Variants in DPPA2 observed in about 807,000 individuals in gnomAD.
DPPA2 encodes developmental pluripotency-associated protein 2.
DPPA2 carries 26 observed loss-of-function variants against 36.2 expected under a neutral mutation model. The ratio of observed to expected loss-of-function variants is 0.72; its 90% CI spans 0.53 to 1.00. The LOEUF is 1.00. Ranked by LOEUF, DPPA2 falls within the 50% of genes least tolerant of loss-of-function variation. DPPA2 has a pLI of 0.00. For synonymous variants in DPPA2, 113 were observed against 123.2 expected (o/e 0.92, Z 0.55); for missense variants, 361 against 365.1 (o/e 0.99, Z 0.09).
chr3:109,305,311 T>C (rs1159613754), intron 6 of DPPA2, among the ~76,000 whole-genome samples: 1 of 152,206 alleles, frequency 6.6e-6, no homozygotes, highest in Admixed American at 6.5e-5. Flanking sequence ...TTGCTTTTCT[T>C]ATTATTTCTT....
In DPPA2 at chr3:109,304,689, T is replaced by C; in HGVS notation, c.659-19A>G. On this transcript the variant is annotated intron_variant, in intron 6 of 8. Transcript: ENST00000478945. Reference sequence around the variant, plus strand: ...CTGACGCCTGGAAAGGAAAAACAAATATAGACAGCAAAAATCAAGATAGCA... The same window carrying C: ...CTGACGCCTGGAAAGGAAAAACAAACATAGACAGCAAAAATCAAGATAGCA... The C allele has an allele frequency of 6.4e-7, 1 of 1,563,366 alleles. No individual in the cohort carries two copies.
chr3:109,312,399 G>C, intron 3 of DPPA2, 146 bp downstream of exon 3: 1 of 1,016,954 alleles, frequency 9.8e-7, no homozygotes, highest in Non-Finnish European at 1.4e-6. Context: ...AAGTATGAGA[G>C]TTTGCAAAAT....
intron 7 of DPPA2, among the ~76,000 whole-genome samples, chr3:109,303,559 G>A (rs796087385): frequency 2.6e-5 from 4 of 151,762 alleles, no homozygotes; most frequent in African/African-American, 7.2e-5. Context: ...AGTAGAGACG[G>A]GGTTTCTCCA....
Position 109,309,180 on chromosome 3 carries a change from G to A in DPPA2, c.332C>T (p.Thr111Ile). ...CCCAAGTGTACTAACCTTGCCATTAGTACTCAAACCGAGTTGTTGACACCA... is the reference window on the plus strand; with the variant it reads ...CCCAAGTGTACTAACCTTGCCATTAATACTCAAACCGAGTTGTTGACACCA... ...RDWCQQLGLSTNGKKIEVYLR... is the reference protein window; with the variant it reads ...RDWCQQLGLSINGKKIEVYLR... Residue 111 changes from threonine to isoleucine, a missense_variant, in exon 4 of 9, where the codon ACT (threonine) becomes ATT (isoleucine). Coordinates refer to ENST00000478945, the MANE Select transcript of DPPA2 (RefSeq NM_138815.4). 3 of 1,614,112 alleles carry A rather than the reference G, an allele frequency of 1.9e-6. No individual in the cohort carries two copies. Among genetic ancestry groups the A allele is most frequent in the South Asian group, 1.1e-5 (1 of 91,080 alleles).
chr3:109,309,399 G>C, intron 3 of DPPA2, 69 bp from the exon 4 acceptor site: 1 of 1,583,872 alleles, frequency 6.3e-7, no homozygotes, highest in Non-Finnish European at 8.6e-7. Flanking sequence ...ATTTTACAAA[G>C]ATCTAGGGTC....
At chr3:109,311,431 T>C (rs1294009285) in intron 3 of DPPA2, among the ~76,000 whole-genome samples, 2 of 152,134 alleles carry the variant, frequency 1.3e-5, no homozygotes, top group African/African-American at 2.4e-5. Context: ...GCCTAGAAGA[T>C]AAAATCCTTC....
chr3:109,314,372 A>G (rs994153775), intron 2 of DPPA2, 138 bp downstream of exon 2: 1 of 847,160 alleles, frequency 1.2e-6, no homozygotes, highest in African/African-American at 1.7e-5. Flanking sequence ...ATCTATTTGC[A>G]AAGAAGAGGA....
chr3:109,301,523 ATG>A (rs1707456735), intron 7 of DPPA2, among the ~76,000 whole-genome samples: 2 of 151,882 alleles, frequency 1.3e-5, no homozygotes, highest in Non-Finnish European at 2.9e-5. Context: ...GTGGTGGTGC[ATG>A]CCTGTAATCC....
chr3:109,305,618 T>C (rs1282587304), intron 6 of DPPA2, among the ~76,000 whole-genome samples: 2 of 151,974 alleles, frequency 1.3e-5, no homozygotes, highest in African/African-American at 4.8e-5. Context: ...CTACTAAAAA[T>C]ACAAAATTAG....
chr3:109,300,483 A>T, intron 7 of DPPA2, 48 bp from the exon 8 acceptor site: 2 of 1,564,506 alleles, frequency 1.3e-6, no homozygotes, highest in Non-Finnish European at 1.8e-6. Context: ...ACAGCAAGGT[A>T]AACCATCCCT....
rs1187830273 is a variant in DPPA2 at position 109,293,868 on chromosome 3, T to C, written c.*159A>G. The C allele has an allele frequency of 3.3e-5, 5 of 151,988 alleles. No homozygotes were observed. Among genetic ancestry groups the C allele is most frequent in the African/African-American group, 1.2e-4 (5 of 41,464 alleles). 9.4% of individuals were successfully genotyped at this position (151,988 alleles called of 1,614,324 possible). ...GATTCTTTAGATGGGGCTGTGTCAC[T>C]AGTCAACCATCTTCACTGTGGAGTC... On this transcript the variant is annotated 3_prime_UTR_variant, in exon 9 of 9. Transcript: ENST00000478945.
intron 6 of DPPA2, among the ~76,000 whole-genome samples, chr3:109,306,113 C>T (rs143191788): frequency 1.3e-5 from 2 of 152,262 alleles, no homozygotes; most frequent in East Asian, 3.9e-4. Flanking sequence ...TGTGATAGCT[C>T]CCCGATTAGA....
rs1362345476 is a variant in DPPA2, at chr3:109,314,500, T to C, written c.33+10A>G. ...TGTGAGAAAAGTAATTCTATTAGAA[T>C]GAAACTTACCTTCTTGCTGCTATCC... On this transcript the variant is annotated intron_variant, in intron 2 of 8. Coordinates refer to ENST00000478945, the MANE Select transcript of DPPA2 (RefSeq NM_138815.4). 2 of 1,608,786 alleles carry C rather than the reference T, an allele frequency of 1.2e-6. No individual in the cohort carries two copies. Among genetic ancestry groups the C allele is most frequent in the Non-Finnish European group, 8.5e-7 (1 of 1,176,386 alleles).
At chr3:109,299,753 G>GTT (rs35794059) in intron 8 of DPPA2, among the ~76,000 whole-genome samples, 39,843 of 136,498 alleles carry the variant, frequency 0.29, 6,082 homozygotes, top group Middle Eastern at 0.35. Context: ...TGACTCATTA[G>GTT]TTTTTTTTTT....
intron 6 of DPPA2, among the ~76,000 whole-genome samples, chr3:109,307,603 C>CAAAAAAA (rs769445059): frequency 4.3e-4 from 19 of 43,772 alleles, no homozygotes; most frequent in East Asian, 2.2e-3. Context: ...AACTCCATCT[C>CAAAAAAA]AAAAAAAAAA....
chr3:109,314,791 G>C (rs536748631), intron 1 of DPPA2, among the ~76,000 whole-genome samples: 9 of 152,106 alleles, frequency 5.9e-5, no homozygotes. Context: ...GGCTGGGTGC[G>C]ATGGCTCATG....
chr3:109,305,161 CTAATAA>C (rs963972349), intron 6 of DPPA2, among the ~76,000 whole-genome samples: 10 of 151,716 alleles, frequency 6.6e-5, no homozygotes, highest in African/African-American at 1.9e-4. Flanking sequence ...AATAATAATA[CTAATAA>C]TAATAAAATA....
chr3:109,305,117 G>A (rs1485552771), intron 6 of DPPA2, among the ~76,000 whole-genome samples: 1 of 152,034 alleles, frequency 6.6e-6, no homozygotes, highest in African/African-American at 2.4e-5. Flanking sequence ...CTGCACTCCA[G>A]CCTGGGTGAC....
chr3:109,308,540 T>G (rs1247357347), intron 5 of DPPA2, among the ~76,000 whole-genome samples: 1 of 152,154 alleles, frequency 6.6e-6, no homozygotes, highest in Non-Finnish European at 1.5e-5. Context: ...TTTTGCATTT[T>G]TAGTAAAGAC....
Sources: allele counts gnomAD v4.1 joint callset (sites outside exome capture counted in the v4.1 genomes callset), GRCh38; gene constraint gnomAD v4.1.1; transcripts MANE v1.5; gene names NCBI Gene and HGNC (gene_info 2026-07-23, HGNC 2026-07-21).